Variants in CDH23 observed in about 807,000 individuals in gnomAD.
The protein encoded by CDH23 is cadherin related 23.
Under a neutral mutation model 317.1 loss-of-function variants are expected in CDH23, and 189 were observed. The observed-to-expected ratio is 0.60, with a 90% CI of 0.53 to 0.67. The LOEUF (loss-of-function observed/expected upper bound fraction) is 0.67. Ranked by LOEUF, CDH23 falls within the 30% of genes least tolerant of loss-of-function variation. The probability of loss-of-function intolerance (pLI) is 0.00; values close to 1 mark genes in which losing one functional copy is unlikely to be tolerated. For missense variants in CDH23, 4,401 were observed against 4,592.4 expected, an observed-to-expected ratio of 0.96 and a Z score of 1.20; for synonymous variants, 1,839 against 1,876.8, an observed-to-expected ratio of 0.98 and a Z score of 0.52.
At chr10:71,446,213 G>A (rs1850157747) in intron 2 of CDH23, 105 bp from the exon 3 acceptor site, 1 of 1,100,898 alleles carries the variant, frequency 9.1e-7, no homozygotes, top group South Asian at 1.3e-5. Flanking sequence ...CATGGCCATG[G>A]ACACAGGCTC....
chr10:71,597,476 G>T (rs1295077150), intron 9 of CDH23, among the ~76,000 whole-genome samples: 1 of 152,072 alleles, frequency 6.6e-6, no homozygotes, highest in Non-Finnish European at 1.5e-5. Flanking sequence ...CACCTCATCC[G>T]CCCTGAAGCT....
intron 1 of CDH23, among the ~76,000 whole-genome samples, chr10:71,414,047 T>TTGTG (rs34017042): frequency 0.12 from 17,560 of 142,870 alleles, 1,136 homozygotes; most frequent in East Asian, 0.26. Flanking sequence ...CTCCTGGGTT[T>TTGTG]TGTGTGTGTG....
At chr10:71,715,624 G>A (rs1589365052) in intron 28 of CDH23, 2 of 261,190 alleles carry the variant, frequency 7.7e-6, no homozygotes, top group East Asian at 6.8e-5. Flanking sequence ...CTTCTAGGAG[G>A]TGGTTACGAG....
At chr10:71,689,178 A>AGCCAGGGATGGTGGAGCCAGGGGTGGTG (rs1564734231) in intron 19 of CDH23, among the ~76,000 whole-genome samples, 1 of 30,548 alleles carries the variant, frequency 3.3e-5, no homozygotes, top group African/African-American at 1.3e-4. Flanking sequence ...CAGGGGTGGT[A>AGCCAGGGATGGTGGAGCCAGGGGTGGTG]GAGTCAGGGG....
intron 60 of CDH23, among the ~76,000 whole-genome samples, chr10:71,809,523 A>C (rs1841847858): frequency 6.6e-6 from 1 of 152,072 alleles, no homozygotes; most frequent in Non-Finnish European, 1.5e-5. Flanking sequence ...GAGAGAGGAG[A>C]AACAGACAGA....
At chr10:71,787,652 A>G (rs1397710075) in intron 44 of CDH23, among the ~76,000 whole-genome samples, 1 of 152,140 alleles carries the variant, frequency 6.6e-6, no homozygotes, top group Non-Finnish European at 1.5e-5. Flanking sequence ...TTGACTTTCT[A>G]TTTCTGAGTC....
chr10:71,531,326 C>T lies in CDH23; in HGVS notation c.429+20114C>T, dbSNP rs1855363950. On this transcript the variant is annotated intron_variant, in intron 6 of 69. Transcript: ENST00000224721. ...CATTCTAGCTTTTTGCCAGTGCAAA[C>T]AATCGGTGTCCCCTCATTCCCTGCA... Among the ~76,000 whole-genome samples the T allele has an allele frequency of 2.6e-5, 4 of 152,346 alleles. No individual in the cohort carries two copies. In the South Asian group the frequency reaches 8.3e-4, roughly 32 times the overall value.
Position 71,645,819 on chromosome 10 carries a change from C to T in CDH23, c.1141-12C>T, listed in dbSNP as rs769964522. On this transcript the variant is annotated splice_polypyrimidine_tract_variant and intron_variant, in intron 12 of 69. Coordinates refer to ENST00000224721, the MANE Select transcript of CDH23 (RefSeq NM_022124.6). ...CCCTTCCTGACTGGCTTCTTCTGCA[C>T]TCTTGACCCAGGGCCTGAACAGCAT... The T allele has an allele frequency of 4.4e-6, 7 of 1,607,102 alleles. No homozygotes were observed. In the East Asian group the frequency reaches 1.1e-4, roughly 26 times the overall value.
chr10:71,736,482 C>G (rs549321339), intron 34 of CDH23, among the ~76,000 whole-genome samples: 2 of 152,314 alleles, frequency 1.3e-5, no homozygotes, highest in East Asian at 1.9e-4. Flanking sequence ...GGGCATGGCT[C>G]TGCTATAAGA....
In CDH23 at chr10:71,645,973, A is replaced by G. The variant is rs1235138237; in HGVS notation, c.1283A>G (p.Asp428Gly). The G allele has an allele frequency of 6.2e-7, 1 of 1,611,010 alleles. No individual in the cohort carries two copies. Among genetic ancestry groups the G allele is most frequent in the East Asian group, 2.2e-5 (1 of 44,866 alleles). Residue 428 changes from aspartate to glycine, a missense_variant, in exon 13 of 70, where the codon GAC becomes GGC. Physicochemically the swap from Asp to Gly is moderately conservative, Grantham distance 94. Transcript: ENST00000224721. ...PLDYETVDRY[D>G]FDLFANESVP... ...GACTACGAGACCGTGGACCGCTACGACTTTGATGTAAGGCCCCACTCACTG... is the reference window on the plus strand; with the variant it reads ...GACTACGAGACCGTGGACCGCTACGGCTTTGATGTAAGGCCCCACTCACTG...
chr10:71,793,143 G>C, intron 47 of CDH23, 39 bp from the exon 48 acceptor site: 1 of 1,475,008 alleles, frequency 6.8e-7, no homozygotes, highest in Non-Finnish European at 9.3e-7. Flanking sequence ...TCTGGAAGAG[G>C]CCACTGTGCG....
chr10:71,807,407 G>A lies in CDH23; in HGVS notation c.8308+1G>A, dbSNP rs757675676. ...GCGATCGTGTACTACTTCATCGCAG[G>A]TGGGGCCAGACAGAGCTAGTGCCCT... is the stretch of plus-strand genomic sequence containing the variant. On this transcript the variant is annotated splice_donor_variant, in intron 58 of 69. Transcript: ENST00000224721. LOFTEE classifies it high-confidence loss of function. 11 of 1,613,876 alleles carry A rather than the reference G, an allele frequency of 6.8e-6. No individual in the cohort carries two copies. The highest frequency in any genetic ancestry group is 8.5e-6 in the Non-Finnish European group (10 of 1,179,808).
At chr10:71,510,847 C>G in intron 4 of CDH23, 107 bp from the exon 5 acceptor site, 3 of 1,088,140 alleles carry the variant, frequency 2.8e-6, no homozygotes, top group Non-Finnish European at 4.2e-6. Context: ...TGGTTCCAGG[C>G]AAGCTCCTAG....
chr10:71,770,947 G>A (rs541311282), intron 38 of CDH23, among the ~76,000 whole-genome samples: 2 of 152,302 alleles, frequency 1.3e-5, no homozygotes, highest in South Asian at 2.1e-4. Flanking sequence ...CAGAGCCTCT[G>A]GGCAGTGGGT....
In CDH23 at chr10:71,793,290, T is replaced by C. The variant is rs1490479631; in HGVS notation, c.6362T>C (p.Val2121Ala). The change falls in exon 48 of 70, where the codon GTC (valine) becomes GCC (alanine). Residue 2121 changes from valine (V) to alanine (A), a missense_variant. Val to Ala is a moderately conservative substitution (Grantham distance 64). Transcript: ENST00000224721. Reference protein sequence around the residue: ...GAQDRFLIHLVTGVIRVGNAT... With the variant: ...GAQDRFLIHLATGVIRVGNAT... ...CAGGACCGCTTCCTCATTCATCTGG[T>C]CACCGGGGTCATCCGTGTTGGTAAT... 1.2e-6 allele frequency: 2 copies of C among 1,613,832 alleles called. No homozygotes were observed. Among genetic ancestry groups the C allele is most frequent in the Non-Finnish European group, 1.7e-6 (2 of 1,179,890 alleles).
chr10:71,516,418 C>T (rs1176667552), intron 6 of CDH23, among the ~76,000 whole-genome samples: 2 of 152,222 alleles, frequency 1.3e-5, no homozygotes, highest in Non-Finnish European at 2.9e-5. Context: ...CCCTGGGCCC[C>T]ACTAACCTGA....
intron 14 of CDH23, 125 bp downstream of exon 14, chr10:71,646,742 T>G (rs754789115): frequency 3.1e-6 from 5 of 1,606,598 alleles, no homozygotes; most frequent in Non-Finnish European, 4.3e-6. Context: ...ATCCCTGAGC[T>G]GTGTTTGTTG....
Position 71,789,054 on chromosome 10 carries a change from G to C in CDH23, c.5923+12G>C. On this transcript the variant is annotated intron_variant, in intron 45 of 69. Coordinates refer to ENST00000224721, the MANE Select transcript of CDH23 (RefSeq NM_022124.6). The stretch of plus-strand genomic sequence containing the variant: ...AAACTCTCCCGCTGGTAGGTGCTGG[G>C]CCCACCCGGGAGCTCCTGCTGTTGC... The C allele has an allele frequency of 7.4e-7, 1 of 1,354,704 alleles. No homozygotes were observed. Among genetic ancestry groups the C allele is most frequent in the African/African-American group, 1.4e-5 (1 of 69,884 alleles). 83.9% of individuals were successfully genotyped at this position (1,354,704 alleles called of 1,614,324 possible).
chr10:71,811,226 C>T, intron 62 of CDH23, 89 bp from the exon 63 acceptor site: 1 of 1,594,722 alleles, frequency 6.3e-7, no homozygotes, highest in Non-Finnish European at 8.6e-7. Context: ...GGTTGTTGAA[C>T]TTTGGAGGCT....
Sources: allele counts gnomAD v4.1 joint callset (sites outside exome capture counted in the v4.1 genomes callset), GRCh38; gene constraint gnomAD v4.1.1; transcripts MANE v1.5; gene names NCBI Gene and HGNC (gene_info 2026-07-23, HGNC 2026-07-21).